ATOSA: variants seen among roughly 807,000 people sequenced by gnomAD.
ATOSA encodes the protein atos homolog protein A.
chr15:52,672,888 T>C, the ATOSA span, among the ~76,000 whole-genome samples: 6 of 152,216 alleles, frequency 3.9e-5, no homozygotes, highest in Non-Finnish European at 7.3e-5. Flanking sequence ...GTCAACCCCT[T>C]TAGTATCTGA....
chr15:52,660,297 C>T, the ATOSA span, among the ~76,000 whole-genome samples: 1 of 152,156 alleles, frequency 6.6e-6, no homozygotes, highest in Non-Finnish European at 1.5e-5. Context: ...GTGAAGGAGA[C>T]AGTATAATAT....
At chr15:52,641,515 T>G in the ATOSA span, among the ~76,000 whole-genome samples, 1,443 of 152,252 alleles carry the variant, frequency 9.5e-3, 21 homozygotes, top group African/African-American at 0.033. Context: ...CAGAAGTGTA[T>G]GAGAATGATA....
the ATOSA span, chr15:52,657,053 T>C: frequency 2.6e-5 from 4 of 152,180 alleles, no homozygotes; most frequent in African/African-American, 7.2e-5. Context: ...ACTTGTCCCT[T>C]TGACAACTGC....
the ATOSA span, chr15:52,587,583 C>A: frequency 6.4e-6 from 1 of 156,096 alleles, no homozygotes; most frequent in Non-Finnish European, 1.4e-5. Context: ...ATTTATTGGT[C>A]TTCGGGCATG....
At chr15:52,687,489 A>C in the ATOSA span, among the ~76,000 whole-genome samples, 1 of 152,252 alleles carries the variant, frequency 6.6e-6, no homozygotes, top group African/African-American at 2.4e-5. Context: ...GGCACAAAGA[A>C]GGAAAAGTTA....
At chr15:52,675,361 A>T in the ATOSA span, among the ~76,000 whole-genome samples, 2 of 152,184 alleles carry the variant, frequency 1.3e-5, no homozygotes, top group Admixed American at 1.3e-4. Context: ...CACCTTCCAT[A>T]AAAACAGCCA....
the ATOSA span, among the ~76,000 whole-genome samples, chr15:52,671,076 G>T: frequency 3.1e-3 from 472 of 152,198 alleles, 1 homozygote; most frequent in Non-Finnish European, 5.1e-3. Context: ...CAGCACAGGG[G>T]GTGGACATCA....
chr15:52,667,860 A>T, the ATOSA span, among the ~76,000 whole-genome samples: 2 of 152,252 alleles, frequency 1.3e-5, no homozygotes, highest in African/African-American at 2.4e-5. Flanking sequence ...ACAATGAGAT[A>T]AAACCTTACT....
At chr15:52,646,683 A>G in the ATOSA span, among the ~76,000 whole-genome samples, 1 of 152,174 alleles carries the variant, frequency 6.6e-6, no homozygotes, top group Non-Finnish European at 1.5e-5. Flanking sequence ...ACATATTCTG[A>G]AAGTTGCATC....
chr15:52,617,245 C>T, the ATOSA span, among the ~76,000 whole-genome samples: 3 of 152,156 alleles, frequency 2.0e-5, no homozygotes, highest in Admixed American at 6.6e-5. Context: ...TTTCCCCCAC[C>T]TCCCCCAGGC....
At chr15:52,617,605 C>A in the ATOSA span, among the ~76,000 whole-genome samples, 105 of 152,066 alleles carry the variant, frequency 6.9e-4, 1 homozygote, top group Non-Finnish European at 1.2e-3. Context: ...AAAAATAACT[C>A]ATTTTTCAGA....
chr15:52,694,598 C>T, the ATOSA span, among the ~76,000 whole-genome samples: 2 of 151,982 alleles, frequency 1.3e-5, no homozygotes, highest in Non-Finnish European at 2.9e-5. Flanking sequence ...CTTTGGGAGG[C>T]TGAGGTGAGA....
chr15:52,655,899 T>G, the ATOSA span, among the ~76,000 whole-genome samples: 3 of 152,122 alleles, frequency 2.0e-5, no homozygotes, highest in Non-Finnish European at 4.4e-5. Context: ...GTGGGAATAA[T>G]CATTTCTCTA....
the ATOSA span, among the ~76,000 whole-genome samples, chr15:52,635,830 TA>T: frequency 6.6e-6 from 1 of 151,430 alleles, no homozygotes; most frequent in Non-Finnish European, 1.5e-5. Context: ...ACCCCATCTC[TA>T]CTAAAAATAC....
the ATOSA span, chr15:52,658,461 A>G: frequency 6.0e-6 from 2 of 335,172 alleles, no homozygotes; most frequent in Non-Finnish European, 1.1e-5. Flanking sequence ...ATACCTCAAT[A>G]GTTTTCACCA....
chr15:52,697,840 G>T, the ATOSA span, among the ~76,000 whole-genome samples: 1 of 151,674 alleles, frequency 6.6e-6, no homozygotes, highest in Non-Finnish European at 1.5e-5. Context: ...GCTCACGGGG[G>T]CTTTATATGA....
At chr15:52,605,594 C>T in the ATOSA span, among the ~76,000 whole-genome samples, 4 of 152,106 alleles carry the variant, frequency 2.6e-5, no homozygotes, top group African/African-American at 9.7e-5. Flanking sequence ...ATTTGGGATG[C>T]TCAAACTGTG....
the ATOSA span, among the ~76,000 whole-genome samples, chr15:52,673,625 C>T: frequency 1.3e-5 from 2 of 152,178 alleles, no homozygotes; most frequent in Non-Finnish European, 2.9e-5. Flanking sequence ...ATCATGACCA[C>T]CTCTACCTGG....
the ATOSA span, among the ~76,000 whole-genome samples, chr15:52,690,036 G>T: frequency 6.6e-6 from 1 of 152,106 alleles, no homozygotes; most frequent in African/African-American, 2.4e-5. Context: ...TCTTTTTAAG[G>T]CTCCATGAAT....
Sources: gnomAD v4.1 joint callset for allele counts (sites outside exome capture counted in the v4.1 genomes callset) on GRCh38, gnomAD v4.1.1 for gene constraint, MANE v1.5 for transcripts, NCBI Gene and HGNC (gene_info 2026-07-23, HGNC 2026-07-21) for gene names.